RNF8: variants seen among roughly 807,000 people sequenced by gnomAD.
RNF8 encodes E3 ubiquitin-protein ligase RNF8.
In RNF8, 8 loss-of-function variants were observed where a neutral mutation model predicts 59.3. That is an observed-to-expected ratio of 0.13 (90% CI 0.08 to 0.24). The LOEUF (loss-of-function observed/expected upper bound fraction) is 0.24, where lower values mean the gene tolerates loss of function less well. RNF8 is among the 10% of genes least tolerant of loss of function. RNF8 has a pLI of 1.00. For missense variants in RNF8, 406 were observed against 572.6 expected, an observed-to-expected ratio of 0.71 and a Z score of 2.97; for synonymous variants, 162 against 200.0, an observed-to-expected ratio of 0.81 and a Z score of 1.60.
chr6:37,373,496 T>C (rs924126284), intron 4 of RNF8, among the ~76,000 whole-genome samples: 14 of 152,164 alleles, frequency 9.2e-5, no homozygotes, highest in Admixed American at 6.5e-5. Flanking sequence ...AGCCTCCGCC[T>C]CCTGGGCTCA....
Position 37,357,206 on chromosome 6 carries a change from C to T in RNF8, c.111+2931C>T, listed in dbSNP as rs1198831413. Among the ~76,000 whole-genome samples, 4 of 152,222 alleles carry T rather than the reference C, an allele frequency of 2.6e-5. No individual in the cohort carries two copies. In the East Asian group the frequency reaches 5.8e-4, roughly 22 times the overall value. The stretch of plus-strand genomic sequence containing the variant: ...AAACAACCCCTCACATATGGGTCGT[C>T]AGTCAGTTCCCACGGGAAATTCAGT... On this transcript the variant is annotated intron_variant, in intron 1 of 7. Coordinates refer to ENST00000373479, the MANE Select transcript of RNF8 (RefSeq NM_003958.4).
At position 37,360,975 on chromosome 6, in the gene RNF8, C is replaced by A. The variant is rs189666877; in HGVS notation, c.240+401C>A. Reference sequence around the variant, plus strand: ...GAGGAGGGAGAAACTGATCTGATTGCGCTTAGCTCCTTTCCTTCCTCACTC... The same window carrying A: ...GAGGAGGGAGAAACTGATCTGATTGAGCTTAGCTCCTTTCCTTCCTCACTC... On this transcript the variant is annotated intron_variant, in intron 2 of 7. Transcript: ENST00000373479. The surrounding 1 kb of genome is among the most constrained non-coding windows in gnomAD (Gnocchi z 4.2). Among the ~76,000 whole-genome samples, 1 of 152,232 alleles carries A rather than the reference C, an allele frequency of 6.6e-6. No individual in the cohort carries two copies. The highest frequency in any genetic ancestry group is 1.5e-5 in the Non-Finnish European group (1 of 68,004).
intron 4 of RNF8, among the ~76,000 whole-genome samples, chr6:37,373,437 CG>C (rs1443713081): frequency 6.6e-6 from 1 of 152,176 alleles, no homozygotes; most frequent in East Asian, 1.9e-4. Flanking sequence ...GACAGTGTCT[CG>C]TTCTGTCACC....
chr6:37,354,229 G>T lies in RNF8; in HGVS notation c.65G>T (p.Arg22Leu). ...RAGGRSWCLR[R>L]VGMSAGWLLL... is the part of the protein sequence containing the mutation. ...GGTGGCCGGAGCTGGTGCCTGCGGCGGGTGGGGATGAGCGCCGGGTGGCTG... is the reference window on the plus strand; with the variant it reads ...GGTGGCCGGAGCTGGTGCCTGCGGCTGGTGGGGATGAGCGCCGGGTGGCTG... The change falls in exon 1 of 8, where the codon CGG becomes CTG. Residue 22 changes from arginine (R) to leucine (L), a missense_variant. By Grantham distance (102) the Arg-to-Leu change is moderately radical. Around this residue, in one of 3 missense-constraint regions of RNF8, gnomAD observed 62 missense variants for 112.2 expected, o/e 0.55. Transcript: ENST00000373479. 4 of 1,575,474 alleles carry T rather than the reference G, an allele frequency of 2.5e-6. No individual in the cohort carries two copies. The highest frequency in any genetic ancestry group is 2.3e-5 in the East Asian group (1 of 42,698).
chr6:37,356,139 A>G (rs544332997), intron 1 of RNF8, among the ~76,000 whole-genome samples: 20 of 152,360 alleles, frequency 1.3e-4, no homozygotes, highest in African/African-American at 2.6e-4. Context: ...GACATATTCT[A>G]AACCATTTGA....
chr6:37,380,149 T>A (rs1770192839), intron 6 of RNF8, among the ~76,000 whole-genome samples: 1 of 152,046 alleles, frequency 6.6e-6, no homozygotes, highest in African/African-American at 2.4e-5. Context: ...ATTCCTGGGC[T>A]CAAGCAGTCC....
intron 7 of RNF8, among the ~76,000 whole-genome samples, chr6:37,382,177 G>A (rs543963784): frequency 1.1e-4 from 17 of 152,268 alleles, no homozygotes; most frequent in Admixed American, 7.2e-4. Context: ...ACAGTCTGGC[G>A]GAGGAGATAG....
chr6:37,388,489 G>C (rs1456926923), intron 7 of RNF8, among the ~76,000 whole-genome samples: 1 of 152,134 alleles, frequency 6.6e-6, no homozygotes, highest in Admixed American at 6.5e-5. Flanking sequence ...CATGGAAGTG[G>C]ATGAACCACT....
chr6:37,388,196 A>G (rs1437280720), intron 7 of RNF8, among the ~76,000 whole-genome samples: 2 of 152,134 alleles, frequency 1.3e-5, no homozygotes. Flanking sequence ...TAGATTCAAG[A>G]GGTAGTTAAG....
chr6:37,387,025 T>C (rs1449885789), intron 7 of RNF8, among the ~76,000 whole-genome samples: 1 of 152,204 alleles, frequency 6.6e-6, no homozygotes, highest in African/African-American at 2.4e-5. Context: ...AGTAGCGTCA[T>C]TAACCAAAGC....
At chr6:37,378,470 A>G (rs756786295) in intron 6 of RNF8, among the ~76,000 whole-genome samples, 29 of 151,250 alleles carry the variant, frequency 1.9e-4, no homozygotes, top group Non-Finnish European at 3.8e-4. Flanking sequence ...GCATGGTGGC[A>G]TGCACCTGTA....
chr6:37,387,576 A>G (rs1770562031), intron 7 of RNF8, among the ~76,000 whole-genome samples: 1 of 152,208 alleles, frequency 6.6e-6, no homozygotes, highest in South Asian at 2.1e-4. Flanking sequence ...TCCTGGGCTC[A>G]TAGGATCAGC....
At chr6:37,385,576 G>T (rs894277468) in intron 7 of RNF8, among the ~76,000 whole-genome samples, 1 of 151,826 alleles carries the variant, frequency 6.6e-6, no homozygotes, top group African/African-American at 2.4e-5. Context: ...GCAGTGAGCC[G>T]AGATCATGCC....
intron 6 of RNF8, 70 bp from the exon 7 acceptor site, chr6:37,381,078 CTT>C: frequency 7.4e-7 from 1 of 1,348,616 alleles, no homozygotes; most frequent in Non-Finnish European, 1.1e-6. Context: ...CCTGTCCTAA[CTT>C]TGAGATCACA....
rs1769797802 is a variant in RNF8 at position 37,371,404 on chromosome 6, T to C, written c.976-108T>C. 10 of 810,222 alleles carry C rather than the reference T, an allele frequency of 1.2e-5. No homozygotes were observed. In the South Asian group the frequency reaches 1.7e-4, roughly 14 times the overall value. 50.2% of individuals were successfully genotyped at this position (810,222 alleles called of 1,614,324 possible). On this transcript the variant is annotated intron_variant, in intron 3 of 7. Coordinates refer to ENST00000373479, the MANE Select transcript of RNF8 (RefSeq NM_003958.4). ...TTTTCCACCTGCTCCCTCACCCCTG[T>C]TGTTTCCAGATGCTCATACTAGCTG...
rs971624093 is a variant in RNF8 at position 37,391,526 on chromosome 6, A to G, written c.*768A>G. 2 of 152,200 alleles carry G rather than the reference A, an allele frequency of 1.3e-5. No individual in the cohort carries two copies. The highest frequency in any genetic ancestry group is 4.8e-5 in the African/African-American group (2 of 41,452). The allele number at this position is 152,200 out of a possible 1,614,324, so 9.4% of individuals were successfully genotyped here. Reference sequence around the variant, plus strand: ...CTTCAGCTGGCATTTGAATGTTTCCAAATCTATTTTATCTGACGTCATGAA... The same window carrying G: ...CTTCAGCTGGCATTTGAATGTTTCCGAATCTATTTTATCTGACGTCATGAA... On this transcript the variant is annotated 3_prime_UTR_variant, in exon 8 of 8. Transcript: ENST00000373479.
chr6:37,359,318 T>G, intron 1 of RNF8: 2 of 391,528 alleles, frequency 5.1e-6, no homozygotes, highest in Non-Finnish European at 1.0e-5. Flanking sequence ...GCAAAGACTT[T>G]TGGTTGAATT....
intron 1 of RNF8, among the ~76,000 whole-genome samples, chr6:37,355,035 G>C (rs1769062537): frequency 6.6e-6 from 1 of 152,304 alleles, no homozygotes; most frequent in South Asian, 2.1e-4. Flanking sequence ...CAGGTATTCA[G>C]AGTTCTCTCC....
chr6:37,371,747 A>C (rs1359822880), intron 4 of RNF8, among the ~76,000 whole-genome samples, 173 bp downstream of exon 4: 1 of 152,174 alleles, frequency 6.6e-6, no homozygotes, highest in Non-Finnish European at 1.5e-5. Context: ...TTGGAGCCTT[A>C]CAAACATGCC....
Sources: allele counts gnomAD v4.1 joint callset (sites outside exome capture counted in the v4.1 genomes callset), GRCh38; gene constraint gnomAD v4.1.1; regional missense constraint gnomAD v4.1.1; non-coding constraint Gnocchi (gnomAD v3.1); transcripts MANE v1.5; gene names NCBI Gene and HGNC (gene_info 2026-07-23, HGNC 2026-07-21).